SLC6A6: variants seen among roughly 807,000 people sequenced by gnomAD.
The protein encoded by SLC6A6 is solute carrier family 6 member 6.
SLC6A6 carries 16 observed loss-of-function variants against 68.8 expected under a neutral mutation model. The ratio of observed to expected loss-of-function variants is 0.23; its 90% CI spans 0.16 to 0.35. The LOEUF is 0.35. SLC6A6 is among the 10% of genes least tolerant of loss of function. The pLI is 1.00. For missense variants in SLC6A6, 474 were observed against 802.8 expected (o/e 0.59, Z 4.95); for synonymous variants, 312 against 315.4 (o/e 0.99, Z 0.12).
At chr3:14,441,327 G>A (rs1699979459) in intron 2 of SLC6A6, among the ~76,000 whole-genome samples, 1 of 152,062 alleles carries the variant, frequency 6.6e-6, no homozygotes, top group Admixed American at 6.5e-5. Context: ...AGCCCACAAT[G>A]GGCTGCCCTG....
intron 6 of SLC6A6, among the ~76,000 whole-genome samples, chr3:14,463,367 C>T (rs1454629827): frequency 6.6e-6 from 1 of 152,196 alleles, no homozygotes; most frequent in African/African-American, 2.4e-5. Context: ...GCACAAAATC[C>T]GCACTGCATA....
At position 14,485,990 on chromosome 3, in the gene SLC6A6, T is replaced by C. The variant is rs1478299592; in HGVS notation, c.*983T>C. 1 of 152,684 alleles carries C rather than the reference T, an allele frequency of 6.5e-6. No individual in the cohort carries two copies. Among genetic ancestry groups the C allele is most frequent in the Admixed American group, 6.5e-5 (1 of 15,282 alleles). 9.5% of individuals were successfully genotyped at this position (152,684 alleles called of 1,614,324 possible). On this transcript the variant is annotated 3_prime_UTR_variant, in exon 15 of 15. Transcript: ENST00000622186. ...GGGTCTCAGGGCTCAGATGAGTCTG[T>C]TGCATTTGAATGGGGTCATAGCAGG...
At chr3:14,462,623 C>T (rs533556204) in intron 6 of SLC6A6, among the ~76,000 whole-genome samples, 6 of 151,972 alleles carry the variant, frequency 3.9e-5, no homozygotes, top group Admixed American at 6.6e-5. Flanking sequence ...CTCTTAGGCC[C>T]GGGAAGTTGA....
intron 3 of SLC6A6, chr3:14,444,122 C>T (rs769358292): frequency 3.3e-5 from 14 of 422,078 alleles, no homozygotes; most frequent in East Asian, 8.0e-5. Context: ...TCTGGTCCTC[C>T]AGTTTGCCAC....
At chr3:14,457,915 C>A (rs776275164) in intron 5 of SLC6A6, 35 bp from the exon 6 acceptor site, 1 of 1,611,486 alleles carries the variant, frequency 6.2e-7, no homozygotes, top group Non-Finnish European at 8.5e-7. Flanking sequence ...AGGGCCAGGC[C>A]CCTCACTGAC....
intron 5 of SLC6A6, among the ~76,000 whole-genome samples, chr3:14,453,065 G>A (rs1413334181): frequency 6.6e-6 from 1 of 152,256 alleles, no homozygotes; most frequent in African/African-American, 2.4e-5. Context: ...GTGGAGAAAG[G>A]CTGCACGGCC....
In SLC6A6 at chr3:14,468,719, G is replaced by T. The variant is rs1474231809; in HGVS notation, c.1096+507G>T. ...TGTCAGGCACCACCGTAGGCACTGGGTGCAGTGTGTGGGGGGAGGGCGTAG... is the reference window on the plus strand; with the variant it reads ...TGTCAGGCACCACCGTAGGCACTGGTTGCAGTGTGTGGGGGGAGGGCGTAG... On this transcript the variant is annotated intron_variant, in intron 9 of 14. Transcript: ENST00000622186. The surrounding 1 kb of genome is among the most constrained non-coding windows in gnomAD (Gnocchi z 4.5). Among the ~76,000 whole-genome samples the T allele has an allele frequency of 6.6e-6, 1 of 152,288 alleles. No individual in the cohort carries two copies. Among genetic ancestry groups the T allele is most frequent in the South Asian group, 2.1e-4 (1 of 4,800 alleles).
intron 2 of SLC6A6, among the ~76,000 whole-genome samples, chr3:14,431,553 T>C (rs1699725074): frequency 6.6e-6 from 1 of 152,118 alleles, no homozygotes; most frequent in African/African-American, 2.4e-5. Context: ...GCCAAGGGTG[T>C]TGGGGCTTGA....
intron 2 of SLC6A6, among the ~76,000 whole-genome samples, chr3:14,420,129 G>C (rs963879643): frequency 6.6e-6 from 1 of 152,182 alleles, no homozygotes; most frequent in African/African-American, 2.4e-5. Context: ...ATTTACTCTG[G>C]TTATAAAAGT....
intron 6 of SLC6A6, among the ~76,000 whole-genome samples, chr3:14,463,816 C>A (rs530241679): frequency 8.6e-4 from 131 of 152,312 alleles, no homozygotes; most frequent in African/African-American, 3.1e-3. Context: ...GAACAAAGGA[C>A]GCCCGGGGGC....
At position 14,488,564 on chromosome 3, in the gene SLC6A6, CCTT is replaced by C. The variant is rs1701240028; in HGVS notation, c.*3559_*3561del. The C allele has an allele frequency of 6.6e-6, 1 of 152,224 alleles. No homozygotes were observed. Among genetic ancestry groups the C allele is most frequent in the Admixed American group, 6.5e-5 (1 of 15,280 alleles). The allele number at this position is 152,224 out of a possible 1,614,324, so 9.4% of individuals were successfully genotyped here. A position where few individuals can be genotyped will look rare whatever the true frequency, so the allele number is the denominator to read the frequency against. On this transcript the variant is annotated 3_prime_UTR_variant, in exon 15 of 15. Coordinates refer to ENST00000622186, the MANE Select transcript of SLC6A6 (RefSeq NM_003043.6). Reference sequence around the variant, plus strand: ...GCCAGGAAAGGACCCAAGAGAAAATCCTTCAAGGTGGCCTGAGGTCCCATCCCT... The same window carrying C: ...GCCAGGAAAGGACCCAAGAGAAAATCCAAGGTGGCCTGAGGTCCCATCCCT...
intron 5 of SLC6A6, among the ~76,000 whole-genome samples, chr3:14,451,898 C>G (rs1280044592): frequency 1.3e-5 from 2 of 152,206 alleles, no homozygotes; most frequent in Admixed American, 1.3e-4. Flanking sequence ...GAAGGTTGGT[C>G]TTGGTGACCC....
Position 14,467,259 on chromosome 3 carries a change from A to G in SLC6A6, c.868-594A>G, listed in dbSNP as rs965212822. ...CCTTCCCCACCACCCTTCCCCCTGG[A>G]CAGGACACAGTTGTGAGAGGGGTTG... On this transcript the variant is annotated intron_variant, in intron 7 of 14. Coordinates refer to ENST00000622186, the MANE Select transcript of SLC6A6 (RefSeq NM_003043.6). Among the ~76,000 whole-genome samples, 83 of 152,224 alleles carry G rather than the reference A, an allele frequency of 5.5e-4. 1 individual carries two copies. Among genetic ancestry groups the G allele is most frequent in the African/African-American group, 2.0e-3 (82 of 41,532 alleles).
At chr3:14,437,759 C>T (rs1420270373) in intron 2 of SLC6A6, among the ~76,000 whole-genome samples, 1 of 151,776 alleles carries the variant, frequency 6.6e-6, no homozygotes, top group African/African-American at 2.4e-5. Flanking sequence ...TTTTGACCAG[C>T]AATTCCCCAA....
intron 14 of SLC6A6, among the ~76,000 whole-genome samples, chr3:14,482,960 A>G (rs1181101010): frequency 6.6e-6 from 1 of 152,094 alleles, no homozygotes; most frequent in Non-Finnish European, 1.5e-5. Context: ...AGTTTCCAGA[A>G]TGTCCTTACT....
At chr3:14,404,199 A>G (rs1188619998) in intron 1 of SLC6A6, among the ~76,000 whole-genome samples, 1 of 152,180 alleles carries the variant, frequency 6.6e-6, no homozygotes, top group African/African-American at 2.4e-5. Context: ...TTTGTTGGCT[A>G]GAAGGGAGGG....
intron 1 of SLC6A6, among the ~76,000 whole-genome samples, chr3:14,411,828 G>GGA (rs1699257987): frequency 6.6e-6 from 1 of 152,208 alleles, no homozygotes; most frequent in African/African-American, 2.4e-5. Flanking sequence ...TAGGCCCTGG[G>GGA]GATGTGGCTG....
At chr3:14,413,435 T>C (rs749348382) in intron 1 of SLC6A6, among the ~76,000 whole-genome samples, 3 of 152,198 alleles carry the variant, frequency 2.0e-5, no homozygotes, top group African/African-American at 7.2e-5. Context: ...TGGGGCTTTA[T>C]TTTTGCACTG....
chr3:14,459,328 C>T (rs550264962), intron 6 of SLC6A6, among the ~76,000 whole-genome samples: 1 of 152,312 alleles, frequency 6.6e-6, no homozygotes, highest in Non-Finnish European at 1.5e-5. Context: ...ATGTGTCTCC[C>T]TGGATAAAGA....
Sources: gnomAD v4.1 joint callset for allele counts (sites outside exome capture counted in the v4.1 genomes callset) on GRCh38, gnomAD v4.1.1 for gene constraint, Gnocchi (gnomAD v3.1) non-coding constraint, MANE v1.5 for transcripts, NCBI Gene and HGNC (gene_info 2026-07-23, HGNC 2026-07-21) for gene names.